KCNQ1: variants seen among roughly 807,000 people sequenced by gnomAD.
The protein encoded by KCNQ1 is potassium voltage-gated channel subfamily KQT member 1.
In KCNQ1, 49 loss-of-function variants were observed where a neutral mutation model predicts 72.4. The ratio of observed to expected loss-of-function variants is 0.68; its 90% CI spans 0.54 to 0.86. The LOEUF (loss-of-function observed/expected upper bound fraction) is 0.86, where lower values mean the gene tolerates loss of function less well. Ranked by LOEUF, KCNQ1 falls within the 40% of genes least tolerant of loss-of-function variation. KCNQ1 has a pLI of 0.00. For missense variants in KCNQ1, 790 were observed against 945.1 expected, an observed-to-expected ratio of 0.84 and a Z score of 2.15; for synonymous variants, 450 against 412.6, an observed-to-expected ratio of 1.09 and a Z score of -1.10.
rs231885 is a variant in KCNQ1 at position 2,720,355 on chromosome 11, C to T, written c.1515-48489C>T. Among the ~76,000 whole-genome samples, 145,258 of 152,254 alleles carry T rather than the reference C, an allele frequency of 0.95. 69,351 individuals are homozygous for T. Among genetic ancestry groups the T allele is most frequent in the East Asian group, 1 (5,167 of 5,170 alleles). On this transcript the variant is annotated intron_variant, in intron 11 of 15. Transcript: ENST00000155840. The surrounding 1 kb of genome is among the most constrained non-coding windows in gnomAD (Gnocchi z 5.1). ...CGTACTCCCTGGCTCAGCCGCCTTC[C>T]GGGGCCCGGCTACAGTCAGGCCTCC...
In KCNQ1 at chr11:2,826,893, A is replaced by AGGACAG. The variant is rs1182150459; in HGVS notation, c.1795-20870_1795-20865dup. Among the ~76,000 whole-genome samples, 1 of 152,214 alleles carries AGGACAG rather than the reference A, an allele frequency of 6.6e-6. No individual in the cohort carries two copies. Among genetic ancestry groups the AGGACAG allele is most frequent in the Non-Finnish European group, 1.5e-5 (1 of 68,020 alleles). ...TGGGGTGTCTGGTCCTGGAGTGACA[A>AGGACAG]GGACAGGGAGGAAGAAAGCCAGGCA... On this transcript the variant is annotated intron_variant, in intron 15 of 15. Transcript: ENST00000155840. This position sits in a 1 kb window ranked among gnomAD's most constrained non-coding sequence, Gnocchi z 4.2.
rs561815780 is a variant in KCNQ1, at chr11:2,450,395, C to T, written c.386+4911C>T. Among the ~76,000 whole-genome samples, 2 of 152,318 alleles carry T rather than the reference C, an allele frequency of 1.3e-5. No homozygotes were observed. Among genetic ancestry groups the T allele is most frequent in the South Asian group, 4.1e-4 (2 of 4,820 alleles). On this transcript the variant is annotated intron_variant, in intron 1 of 15. Transcript: ENST00000155840. The surrounding 1 kb of genome is among the most constrained non-coding windows in gnomAD (Gnocchi z 7.9). Reference sequence around the variant, plus strand: ...CGCAGAGAAGCTTCCAGAAGCCCAACATCTGCTGCTGGAGGGGAGAATGAG... The same window carrying T: ...CGCAGAGAAGCTTCCAGAAGCCCAATATCTGCTGCTGGAGGGGAGAATGAG...
intron 2 of KCNQ1, among the ~76,000 whole-genome samples, chr11:2,561,736 T>C (rs1040025350): frequency 7.2e-5 from 11 of 152,142 alleles, no homozygotes; most frequent in Non-Finnish European, 1.2e-4. Context: ...CTGGCCAAGG[T>C]AGCGGGTCCC....
At position 2,549,935 on chromosome 11, in the gene KCNQ1, G is replaced by A. The variant is rs1184473816; in HGVS notation, c.478-20693G>A. 6.6e-6 allele frequency among the ~76,000 whole-genome samples: 1 copy of A among 152,186 alleles called. No individual in the cohort carries two copies. The highest frequency in any genetic ancestry group is 1.5e-5 in the Non-Finnish European group (1 of 68,018). ...CCACCGCCCCCGCCACCCAGCGCGA[G>A]CCGCGTAGAGGAGCAGGAAGGGAGC... On this transcript the variant is annotated intron_variant, in intron 2 of 15. Coordinates refer to ENST00000155840, the MANE Select transcript of KCNQ1 (RefSeq NM_000218.3). The surrounding 1 kb of genome is among the most constrained non-coding windows in gnomAD (Gnocchi z 6.2).
rs1846516037 is a variant in KCNQ1, at chr11:2,767,253, C to T, written c.1515-1591C>T. On this transcript the variant is annotated intron_variant, in intron 11 of 15. Coordinates refer to ENST00000155840, the MANE Select transcript of KCNQ1 (RefSeq NM_000218.3). This position sits in a 1 kb window ranked among gnomAD's most constrained non-coding sequence, Gnocchi z 4.6. ...CAGCTAGGAGGTTGTTCTGTTGGTG[C>T]TGGCTGTTAGCTGAGGCCTCTCTCT... Among the ~76,000 whole-genome samples the T allele has an allele frequency of 6.6e-6, 1 of 151,900 alleles. No homozygotes were observed. The highest frequency in any genetic ancestry group is 2.4e-5 in the African/African-American group (1 of 41,324).
At position 2,827,107 on chromosome 11, in the gene KCNQ1, G is replaced by A. The variant is rs1847856007; in HGVS notation, c.1795-20660G>A. Among the ~76,000 whole-genome samples, 1 of 152,186 alleles carries A rather than the reference G, an allele frequency of 6.6e-6. No individual in the cohort carries two copies. The highest frequency in any genetic ancestry group is 2.1e-4 in the South Asian group (1 of 4,834). On this transcript the variant is annotated intron_variant, in intron 15 of 15. Transcript: ENST00000155840. This position sits in a 1 kb window ranked among gnomAD's most constrained non-coding sequence, Gnocchi z 6.7. ...GGAGGGGAACAGGCTGGGCTGCAGA[G>A]AGGAGGCCAGGCACAGTCACCTCGT...
chr11:2,584,647 TTTTGTGTGTGTTAGTGTGTGGGTTAGTG>T lies in KCNQ1; in HGVS notation c.1033-553_1033-526del, dbSNP rs1440787920. Among the ~76,000 whole-genome samples the T allele has an allele frequency of 1.1e-4, 17 of 150,116 alleles. No homozygotes were observed. The South Asian group carries it at 2.3e-3, about 21-fold the overall frequency. ...TGTTAGTGTTTGTGTGTTAGTGTGT[TTTTGTGTGTGTTAGTGTGTGGGTTAGTG>T]TTTGTGTGTGTGTCAGTGTGTGTGT... On this transcript the variant is annotated intron_variant, in intron 7 of 15. Transcript: ENST00000155840.
chr11:2,464,234 C>G lies in KCNQ1; in HGVS notation c.386+18750C>G, dbSNP rs1187747941. The stretch of plus-strand genomic sequence containing the variant: ...ACGTCCAGGTGTGGAATGGCCCGGA[C>G]AGCAGATAACAAGCCTTCGTCGTGG... On this transcript the variant is annotated intron_variant, in intron 1 of 15. Transcript: ENST00000155840. This position sits in a 1 kb window ranked among gnomAD's most constrained non-coding sequence, Gnocchi z 5.0. Among the ~76,000 whole-genome samples, 2 of 152,174 alleles carry G rather than the reference C, an allele frequency of 1.3e-5. No individual in the cohort carries two copies. Among genetic ancestry groups the G allele is most frequent in the Non-Finnish European group, 2.9e-5 (2 of 68,028 alleles).
At chr11:2,630,092 T>A (rs947778494) in intron 10 of KCNQ1, 3 of 398,276 alleles carry the variant, frequency 7.5e-6, no homozygotes, top group Admixed American at 4.4e-5. Context: ...AGTACATTCC[T>A]TCTATACCTA....
intron 10 of KCNQ1, chr11:2,637,539 G>A (rs1008773948): frequency 1.3e-5 from 2 of 152,228 alleles, no homozygotes; most frequent in Non-Finnish European, 2.9e-5. Context: ...TTGCACTGTG[G>A]TCTGAGAGAC....
At chr11:2,733,814 A>ACACACACACACTCTCTCT in intron 11 of KCNQ1, among the ~76,000 whole-genome samples, 11 of 86,640 alleles carry the variant, frequency 1.3e-4, no homozygotes, top group South Asian at 3.9e-4. Flanking sequence ...ACACACACAC[A>ACACACACACACTCTCTCT]CTCTCTCACT....
intron 10 of KCNQ1, chr11:2,632,189 A>C: frequency 5.1e-6 from 2 of 395,898 alleles, no homozygotes; most frequent in Non-Finnish European, 8.9e-6. Context: ...CCTCAAAAAA[A>C]AAAAAAAAAA....
chr11:2,610,323 T>C (rs1166401832), intron 10 of KCNQ1: 1 of 398,156 alleles, frequency 2.5e-6, no homozygotes, highest in Non-Finnish European at 4.4e-6. Flanking sequence ...ATATATTACA[T>C]CTTTATTATG....
At chr11:2,631,378 A>G (rs1210997600) in intron 10 of KCNQ1, 2 of 396,962 alleles carry the variant, frequency 5.0e-6, no homozygotes, top group African/African-American at 4.1e-5. Context: ...GATGCTTTCT[A>G]TTTCACTTTT....
At chr11:2,561,245 G>A (rs922614884) in intron 2 of KCNQ1, among the ~76,000 whole-genome samples, 1 of 151,748 alleles carries the variant, frequency 6.6e-6, no homozygotes, top group African/African-American at 2.4e-5. Context: ...AACTCCCAGG[G>A]TGGAGCTGTG....
In KCNQ1 at chr11:2,624,680, C is replaced by T. The variant is rs1849234527; in HGVS notation, c.1393+35826C>T. ...CTGTGCAATCATCACTATCATCCAT[C>T]TCCATAACACTTGTCATTTGTAATT... On this transcript the variant is annotated intron_variant, in intron 10 of 15. Coordinates refer to ENST00000155840, the MANE Select transcript of KCNQ1 (RefSeq NM_000218.3). The surrounding 1 kb of genome is among the most constrained non-coding windows in gnomAD (Gnocchi z 4.9). The T allele has an allele frequency of 5.0e-6, 2 of 398,430 alleles. No homozygotes were observed. Among genetic ancestry groups the T allele is most frequent in the Non-Finnish European group, 8.8e-6 (2 of 226,034 alleles). 24.7% of individuals were successfully genotyped at this position (398,430 alleles called of 1,614,324 possible).
intron 10 of KCNQ1, chr11:2,633,419 T>C: frequency 2.5e-6 from 1 of 398,596 alleles, no homozygotes; most frequent in Non-Finnish European, 4.4e-6. Context: ...CCTGTGCTTA[T>C]AAAGTCTTAC....
Position 2,509,405 on chromosome 11 carries a change from C to T in KCNQ1, c.387-18523C>T, listed in dbSNP as rs1413722222. Among the ~76,000 whole-genome samples the T allele has an allele frequency of 6.6e-6, 1 of 152,150 alleles. No individual in the cohort carries two copies. Among genetic ancestry groups the T allele is most frequent in the Non-Finnish European group, 1.5e-5 (1 of 68,020 alleles). Reference sequence around the variant, plus strand: ...CCTGTCCAAAGCCAGACTTGGCTCCCTTTGCTCCAGTGAGTGGCCGTTGGC... The same window carrying T: ...CCTGTCCAAAGCCAGACTTGGCTCCTTTTGCTCCAGTGAGTGGCCGTTGGC... On this transcript the variant is annotated intron_variant, in intron 1 of 15. Coordinates refer to ENST00000155840, the MANE Select transcript of KCNQ1 (RefSeq NM_000218.3). The surrounding 1 kb of genome is among the most constrained non-coding windows in gnomAD (Gnocchi z 6.3).
Position 2,527,952 on chromosome 11 carries a change from C to A in KCNQ1, c.411C>A (p.Leu137=), listed in dbSNP as rs1035435122. The A allele has an allele frequency of 6.2e-7, 1 of 1,614,130 alleles. No homozygotes were observed. Among genetic ancestry groups the A allele is most frequent in the Admixed American group, 1.7e-5 (1 of 60,026 alleles). Residue 137 remains leucine, a synonymous_variant, in exon 2 of 16, where the codon CTC becomes CTA. Transcript: ENST00000155840. ...FAVFLIVLVC[L]IFSVLSTIEQ... ...GCTTCCTCATCGTCCTGGTCTGCCT[C>A]ATCTTCAGCGTGCTGTCCACCATCG...
Sources: gnomAD v4.1 joint callset for allele counts (sites outside exome capture counted in the v4.1 genomes callset) on GRCh38, gnomAD v4.1.1 for gene constraint, Gnocchi (gnomAD v3.1) non-coding constraint, MANE v1.5 for transcripts, NCBI Gene and HGNC (gene_info 2026-07-23, HGNC 2026-07-21) for gene names.